The following INSC variants were observed in gnomAD, a reference collection of about 807,000 sequenced individuals.
The protein encoded by INSC is INSC spindle orientation adaptor protein.
Under a neutral mutation model 58.6 loss-of-function variants are expected in INSC, and 67 were observed. The ratio of observed to expected loss-of-function variants is 1.14; its 90% CI spans 0.94 to 1.40. The LOEUF (loss-of-function observed/expected upper bound fraction) is 1.40, where lower values mean the gene tolerates loss of function less well. Among genes scored for constraint, INSC ranks in the 40% most tolerant of loss-of-function variants. INSC has a pLI of 0.00. For synonymous variants in INSC, 262 were observed against 276.1 expected (o/e 0.95, Z 0.51); for missense variants, 714 against 692.0 (o/e 1.03, Z -0.36).
intron 1 of INSC, among the ~76,000 whole-genome samples, chr11:15,122,378 G>C (rs553606662): frequency 6.6e-6 from 1 of 152,122 alleles, no homozygotes; most frequent in Non-Finnish European, 1.5e-5. Context: ...AACTAAGTTC[G>C]AATGAAGAGG....
intron 3 of INSC, among the ~76,000 whole-genome samples, 154 bp downstream of exon 3, chr11:15,176,240 C>A (rs1849571648): frequency 6.6e-6 from 1 of 151,974 alleles, no homozygotes; most frequent in Admixed American, 6.5e-5. Flanking sequence ...GGAATCTTTA[C>A]TGAGTGCCTA....
intron 6 of INSC, among the ~76,000 whole-genome samples, chr11:15,196,509 CAGT>C (rs968420747): frequency 3.3e-5 from 5 of 152,178 alleles, no homozygotes; most frequent in Admixed American, 3.3e-4. Context: ...CCCTCCTAAT[CAGT>C]ATTTCCTCTT....
rs531700370 is a variant in INSC at position 15,139,513 on chromosome 11, C to CT, written c.-45-9611dup. On this transcript the variant is annotated intron_variant, in intron 1 of 12. Transcript: ENST00000379556. Reference sequence around the variant, plus strand: ...TGGAGCTGAGGAGGCAACAGGATAGCTTTTTTCTGGCTGCCTCCCAACTGC... The same window carrying CT: ...TGGAGCTGAGGAGGCAACAGGATAGCTTTTTTTCTGGCTGCCTCCCAACTGC... Among the ~76,000 whole-genome samples the CT allele has an allele frequency of 4.3e-4, 65 of 152,302 alleles. No homozygotes were observed. In the South Asian group the frequency reaches 7.3e-3, roughly 17 times the overall value.
chr11:15,140,086 G>C lies in INSC; in HGVS notation c.-45-9044G>C, dbSNP rs927687854. ...GCTTTCCTCTGAGATGGCCACACAA[G>C]CTCCTTCGGGGGTGCTGCTTGGACA... On this transcript the variant is annotated intron_variant, in intron 1 of 12. Transcript: ENST00000379556. Among the ~76,000 whole-genome samples the C allele has an allele frequency of 1.1e-4, 17 of 152,142 alleles. 1 individual carries two copies. The highest frequency in any genetic ancestry group is 3.1e-4 in the African/African-American group (13 of 41,436).
At chr11:15,144,895 C>G (rs1315403030) in intron 1 of INSC, among the ~76,000 whole-genome samples, 1 of 152,212 alleles carries the variant, frequency 6.6e-6, no homozygotes, top group South Asian at 2.1e-4. Flanking sequence ...ACACTTAAGA[C>G]TTCAAGTCTT....
chr11:15,177,893 C>A (rs894388764), intron 4 of INSC, among the ~76,000 whole-genome samples: 15 of 152,152 alleles, frequency 9.9e-5, no homozygotes, highest in Admixed American at 9.2e-4. Flanking sequence ...CTCTAGGCAG[C>A]CATTTCTTAA....
chr11:15,219,634 G>A (rs890099279), intron 7 of INSC, among the ~76,000 whole-genome samples: 2 of 152,142 alleles, frequency 1.3e-5, no homozygotes, highest in Non-Finnish European at 2.9e-5. Flanking sequence ...TTGGGGATTA[G>A]GGCAAGTTAC....
intron 2 of INSC, among the ~76,000 whole-genome samples, chr11:15,163,582 T>C (rs928238646): frequency 6.6e-6 from 1 of 152,218 alleles, no homozygotes; most frequent in Admixed American, 6.5e-5. Context: ...AAATTCTTTT[T>C]ATTTTACTTA....
At chr11:15,171,607 A>G (rs1166366280) in intron 2 of INSC, among the ~76,000 whole-genome samples, 1 of 152,134 alleles carries the variant, frequency 6.6e-6, no homozygotes, top group Non-Finnish European at 1.5e-5. Flanking sequence ...CTGATCTCCA[A>G]CGGAAAGGGG....
the INSC span, among the ~76,000 whole-genome samples, chr11:15,260,199 T>C: frequency 6.6e-6 from 1 of 152,076 alleles, no homozygotes; most frequent in Non-Finnish European, 1.5e-5. Flanking sequence ...TTTAAAGATG[T>C]TGAAGGCAAG....
intron 5 of INSC, 66 bp from the exon 6 acceptor site, chr11:15,190,635 C>A: frequency 2.8e-6 from 3 of 1,084,022 alleles, no homozygotes; most frequent in South Asian, 1.3e-5. Flanking sequence ...CACTGGTGTT[C>A]CACTAAGATG....
At chr11:15,134,742 A>C (rs1486295132) in intron 1 of INSC, among the ~76,000 whole-genome samples, 2 of 152,128 alleles carry the variant, frequency 1.3e-5, no homozygotes, top group African/African-American at 4.8e-5. Context: ...GTGGCTTAAC[A>C]TGTTGTTTAT....
At position 15,175,807 on chromosome 11, in the gene INSC, C is replaced by A. The variant is rs1251613846; in HGVS notation, c.123C>A (p.Cys41Ter). 9 of 1,605,364 alleles carry A rather than the reference C, an allele frequency of 5.6e-6. No homozygotes were observed. The highest frequency in any genetic ancestry group is 1.7e-4 in the Middle Eastern group (1 of 6,038). The change falls in exon 3 of 13, where the codon TGC becomes TGA. Residue 41 changes from cysteine to a stop codon, truncating the protein, a stop_gained. Coordinates refer to ENST00000379556, the MANE Select transcript of INSC (RefSeq NM_001042536.3). LOFTEE classifies it high-confidence loss of function. ...AAGATCTGAAGCTCATGACCGAGTGCGAGTGCATGTGTGTCCTGCAGGCCA... is the reference window on the plus strand; with the variant it reads ...AAGATCTGAAGCTCATGACCGAGTGAGAGTGCATGTGTGTCCTGCAGGCCA... ...WMEDLKLMTECECMCVLQAKP... is the reference protein window; with the variant it reads ...WMEDLKLMTE
At chr11:15,125,901 G>A (rs530452994) in intron 1 of INSC, among the ~76,000 whole-genome samples, 150 of 152,272 alleles carry the variant, frequency 9.9e-4, no homozygotes, top group African/African-American at 3.5e-3. Context: ...GCTTCTGGGT[G>A]GAAGCCACAT....
intron 10 of INSC, among the ~76,000 whole-genome samples, chr11:15,238,687 A>T (rs1852223096): frequency 6.6e-6 from 1 of 152,242 alleles, no homozygotes; most frequent in Non-Finnish European, 1.5e-5. Context: ...AGCATTAAAA[A>T]ATAAAGATGT....
intron 7 of INSC, among the ~76,000 whole-genome samples, chr11:15,202,856 T>C (rs1468318094): frequency 6.6e-6 from 1 of 152,256 alleles, no homozygotes; most frequent in Non-Finnish European, 1.5e-5. Flanking sequence ...TCCTTTCACC[T>C]ATCTGATGCT....
At chr11:15,130,059 T>C (rs918393628) in intron 1 of INSC, among the ~76,000 whole-genome samples, 1 of 152,228 alleles carries the variant, frequency 6.6e-6, no homozygotes, top group Admixed American at 6.5e-5. Context: ...ATGACAGTTT[T>C]CTTTCTTCCC....
At chr11:15,195,195 T>C (rs1850324014) in intron 6 of INSC, among the ~76,000 whole-genome samples, 1 of 152,126 alleles carries the variant, frequency 6.6e-6, no homozygotes, top group East Asian at 1.9e-4. Flanking sequence ...CTTGGTGCTG[T>C]GGGGGAACAG....
At chr11:15,202,688 A>G (rs1191274581) in intron 7 of INSC, among the ~76,000 whole-genome samples, 1 of 152,202 alleles carries the variant, frequency 6.6e-6, no homozygotes, top group Non-Finnish European at 1.5e-5. Flanking sequence ...AGATAGAAGG[A>G]GCTTGGGATC....
Sources: allele counts gnomAD v4.1 joint callset (sites outside exome capture counted in the v4.1 genomes callset), GRCh38; gene constraint gnomAD v4.1.1; transcripts MANE v1.5; gene names NCBI Gene and HGNC (gene_info 2026-07-23, HGNC 2026-07-21).